DAB1: variants seen among roughly 807,000 people sequenced by gnomAD.
DAB1 encodes DAB adaptor protein 1.
A neutral mutation model predicts 64.6 loss-of-function variants in DAB1; 15 were observed. That is an observed-to-expected ratio of 0.23 (90% CI 0.16 to 0.36). DAB1 has a LOEUF of 0.36. DAB1 is among the 10% of genes least tolerant of loss of function. DAB1 has a pLI of 1.00. For synonymous variants in DAB1, 235 were observed against 251.9 expected, an observed-to-expected ratio of 0.93 and a Z score of 0.64; for missense variants, 596 against 706.7, an observed-to-expected ratio of 0.84 and a Z score of 1.78.
intron 9 of DAB1, among the ~76,000 whole-genome samples, chr1:57,038,472 C>T (rs1187708691): frequency 6.6e-6 from 1 of 152,136 alleles, no homozygotes. Flanking sequence ...ATTTGGGGAT[C>T]GGTGGTCTTG....
chr1:57,847,181 A>G (rs1653324643), intron 1 of DAB1, among the ~76,000 whole-genome samples: 1 of 152,144 alleles, frequency 6.6e-6, no homozygotes, highest in African/African-American at 2.4e-5. Context: ...CTGCCTACCT[A>G]CCATTACACT....
intron 5 of DAB1, among the ~76,000 whole-genome samples, chr1:57,923,740 A>ACCTTT (rs2102026645): frequency 6.6e-6 from 1 of 152,354 alleles, no homozygotes; most frequent in Admixed American, 6.5e-5. Context: ...GGTCTTTATG[A>ACCTTT]AGACTTTGTA....
rs576895846 is a variant in DAB1 at position 57,285,979 on chromosome 1, C to T, written c.67+4985G>A. On this transcript the variant is annotated intron_variant, in intron 2 of 14. Coordinates refer to ENST00000371236, the MANE Select transcript of DAB1 (RefSeq NM_001365792.1). ...ACATTCTTTTCCTCAGGTCTTCCAT[C>T]AAATTCCACTTCTGGAATGGGCACC... 2.0e-5 allele frequency among the ~76,000 whole-genome samples: 3 copies of T among 152,222 alleles called. No homozygotes were observed. The South Asian group carries it at 6.2e-4, about 32-fold the overall frequency.
At chr1:57,106,643 T>C (rs928683324) in intron 4 of DAB1, among the ~76,000 whole-genome samples, 1 of 152,178 alleles carries the variant, frequency 6.6e-6, no homozygotes, top group Non-Finnish European at 1.5e-5. Flanking sequence ...ATGAAAATGC[T>C]TGAGAAATAA....
At chr1:58,436,095 A>G (rs758702101) in intron 3 of DAB1, among the ~76,000 whole-genome samples, 1 of 152,200 alleles carries the variant, frequency 6.6e-6, no homozygotes, top group African/African-American at 2.4e-5. Context: ...ACTTTAAAAT[A>G]CAACTGGCCA....
At chr1:57,211,884 G>GTC (rs1666035540) in intron 2 of DAB1, among the ~76,000 whole-genome samples, 1 of 152,184 alleles carries the variant, frequency 6.6e-6, no homozygotes, top group Non-Finnish European at 1.5e-5. Flanking sequence ...ATGTGCATAA[G>GTC]TTGTGTGTAA....
At chr1:58,276,362 G>A (rs999327623) in intron 4 of DAB1, among the ~76,000 whole-genome samples, 1 of 152,092 alleles carries the variant, frequency 6.6e-6, no homozygotes, top group African/African-American at 2.4e-5. Context: ...AAAAAGCAAT[G>A]TGGCCTCTTT....
intron 2 of DAB1, among the ~76,000 whole-genome samples, chr1:57,217,519 C>G (rs1159282807): frequency 6.6e-6 from 1 of 151,964 alleles, no homozygotes; most frequent in Non-Finnish European, 1.5e-5. Context: ...AATAAATACT[C>G]TGAAAAAAAG....
chr1:58,024,394 T>C (rs575916301), intron 5 of DAB1, among the ~76,000 whole-genome samples: 4 of 152,288 alleles, frequency 2.6e-5, no homozygotes, highest in Admixed American at 2.6e-4. Context: ...AAATGAAAGA[T>C]AATGAAATCT....
At chr1:57,274,887 T>A (rs1279808510) in intron 2 of DAB1, among the ~76,000 whole-genome samples, 3 of 31,816 alleles carry the variant, frequency 9.4e-5, no homozygotes, top group Non-Finnish European at 1.5e-4. Flanking sequence ...CAGCCAAATT[T>A]TTTTTTTTTT....
intron 1 of DAB1, among the ~76,000 whole-genome samples, chr1:57,414,241 T>C (rs901843613): frequency 3.9e-5 from 6 of 152,190 alleles, no homozygotes; most frequent in Admixed American, 6.5e-5. Context: ...GAAGAGTCAA[T>C]CAATGTGACA....
chr1:57,071,358 G>C (rs1651441818), intron 6 of DAB1, 164 bp downstream of exon 6: 1 of 808,186 alleles, frequency 1.2e-6, no homozygotes, highest in Non-Finnish European at 1.9e-6. Flanking sequence ...AGAGAATAAG[G>C]AATAATTTCT....
chr1:57,166,444 T>A (rs1661217611), intron 2 of DAB1, among the ~76,000 whole-genome samples: 1 of 152,130 alleles, frequency 6.6e-6, no homozygotes, highest in Admixed American at 6.5e-5. Flanking sequence ...TAGTAACACA[T>A]AAACCTTTGA....
In DAB1 at chr1:57,439,430, T is replaced by C. The variant is rs934137225; in HGVS notation, n.626-148264A>G. Among the ~76,000 whole-genome samples, 20 of 129,514 alleles carry C rather than the reference T, an allele frequency of 1.5e-4. 1 individual carries two copies. Among genetic ancestry groups the C allele is most frequent in the African/African-American group, 3.7e-4 (12 of 32,778 alleles). The allele number at this position is 129,514 out of a possible 152,430, so 85.0% of individuals were successfully genotyped here. On this transcript the variant is annotated intron_variant and non_coding_transcript_variant, in intron 7 of 20. Transcript: ENST00000485760. ...ACTTGGTGATGAGGTTTTTTCTTTT[T>C]TTTTTTTTTTTTTTTTTGAGACGGA...
intron 5 of DAB1, among the ~76,000 whole-genome samples, chr1:57,972,019 C>T (rs924932186): frequency 6.6e-6 from 1 of 152,128 alleles, no homozygotes; most frequent in Admixed American, 6.5e-5. Context: ...CATTTCCTAT[C>T]GCCTGAAAAA....
intron 6 of DAB1, among the ~76,000 whole-genome samples, chr1:57,776,750 A>G (rs1649819995): frequency 6.6e-6 from 1 of 151,712 alleles, no homozygotes; most frequent in Non-Finnish European, 1.5e-5. Flanking sequence ...TCCCCCTTCT[A>G]TCTGTTGTAA....
intron 9 of DAB1, among the ~76,000 whole-genome samples, chr1:57,033,040 A>G (rs1287517437): frequency 6.6e-6 from 1 of 152,152 alleles, no homozygotes; most frequent in Non-Finnish European, 1.5e-5. Flanking sequence ...TTACACTGTG[A>G]GCTTCTTTAG....
intron 1 of DAB1, among the ~76,000 whole-genome samples, chr1:57,833,564 A>C (rs1405801600): frequency 3.9e-5 from 6 of 152,232 alleles, no homozygotes. Context: ...GATTAATGTC[A>C]GGAGCATTAA....
At chr1:58,381,555 C>T (rs1302671221) in intron 3 of DAB1, among the ~76,000 whole-genome samples, 2 of 152,184 alleles carry the variant, frequency 1.3e-5, no homozygotes, top group Non-Finnish European at 2.9e-5. Flanking sequence ...GGAAAGACTA[C>T]TGGAGCCTCA....
Sources: allele counts gnomAD v4.1 joint callset (sites outside exome capture counted in the v4.1 genomes callset), GRCh38; gene constraint gnomAD v4.1.1; transcripts MANE v1.5; gene names NCBI Gene and HGNC (gene_info 2026-07-23, HGNC 2026-07-21).